NUDT14: variants seen among roughly 807,000 people sequenced by gnomAD.
NUDT14 encodes uridine diphosphate glucose pyrophosphatase NUDT14.
NUDT14 carries 22 observed loss-of-function variants against 17.5 expected under a neutral mutation model. The observed-to-expected ratio is 1.26, with a 90% CI of 0.90 to 1.80. The LOEUF is 1.80. Ranked by LOEUF, NUDT14 falls within the 40% of genes most tolerant of loss-of-function variation. The pLI, the probability that NUDT14 is intolerant of heterozygous loss-of-function variation, is 0.00. For missense variants in NUDT14, 296 were observed against 295.6 expected (o/e 1.00, Z -0.01); for synonymous variants, 129 against 125.8 (o/e 1.03, Z -0.17).
At chr14:105,177,313 T>C (rs936114301) in intron 2 of NUDT14, 2 of 597,098 alleles carry the variant, frequency 3.3e-6, no homozygotes, top group African/African-American at 3.7e-5. Context: ...TGCTCGCAGC[T>C]GAGGCCGGGT....
intron 1 of NUDT14, among the ~76,000 whole-genome samples, chr14:105,179,040 T>C (rs1259478542): frequency 6.6e-6 from 1 of 151,682 alleles, no homozygotes; most frequent in African/African-American, 2.4e-5. Context: ...GGAAGCCCCC[T>C]GCCCACAGCC....
chr14:105,177,264 G>A (rs1329222497), intron 2 of NUDT14: 3 of 643,728 alleles, frequency 4.7e-6, no homozygotes, highest in South Asian at 3.4e-5. Flanking sequence ...GGGAGGCGGG[G>A]GGCAGGGAAG....
Position 105,173,017 on chromosome 14 carries a change from A to G in NUDT14, c.*4T>C. 1.3e-6 allele frequency: 2 copies of G among 1,508,696 alleles called. No individual in the cohort carries two copies. Among genetic ancestry groups the G allele is most frequent in the Non-Finnish European group, 1.8e-6 (2 of 1,129,506 alleles). The allele number at this position is 1,508,696 out of a possible 1,614,324, so 93.5% of individuals were successfully genotyped here. ...GACTGGCCTCTGTCTAGAACCCTGG[A>G]GTCTCACTGGAGATCCAGGTTGGGG... On this transcript the variant is annotated 3_prime_UTR_variant, in exon 5 of 5. Coordinates refer to ENST00000392568, the MANE Select transcript of NUDT14 (RefSeq NM_177533.5). This position sits in a 1 kb window ranked among gnomAD's most constrained non-coding sequence, Gnocchi z 4.7.
At chr14:105,175,612 C>T in intron 4 of NUDT14, 1 of 551,586 alleles carries the variant, frequency 1.8e-6, no homozygotes, top group Non-Finnish European at 2.3e-6. Flanking sequence ...TGTGGTCAGG[C>T]TGGTCTCGAA....
At chr14:105,179,100 C>T (rs587689961) in intron 1 of NUDT14, among the ~76,000 whole-genome samples, 2 of 152,150 alleles carry the variant, frequency 1.3e-5, no homozygotes, top group African/African-American at 2.4e-5. Context: ...TGCTTCCCCC[C>T]GAGTAACATC....
chr14:105,176,735 C>G lies in NUDT14; in HGVS notation c.227G>C (p.Gly76Ala). Residue 76 changes from glycine (G) to alanine (A), a missense_variant, in exon 4 of 5, where the codon GGG becomes GCG. Transcript: ENST00000392568. Reference sequence around the variant, plus strand: ...GTCCTGGTCTACAGCTGCTAGGGACCCTGGGAAGCGGCGCTCCACCTCACC... The same window carrying G: ...GTCCTGGTCTACAGCTGCTAGGGACGCTGGGAAGCGGCGCTCCACCTCACC... ...YAGEVERRFPGSLAAVDQDGP... is the reference protein window; with the variant it reads ...YAGEVERRFPASLAAVDQDGP... The G allele has an allele frequency of 6.2e-7, 1 of 1,612,648 alleles. No homozygotes were observed. Among genetic ancestry groups the G allele is most frequent in the Non-Finnish European group, 8.5e-7 (1 of 1,179,954 alleles).
intron 1 of NUDT14, among the ~76,000 whole-genome samples, chr14:105,178,036 C>T (rs1160492066): frequency 6.6e-6 from 1 of 152,114 alleles, no homozygotes; most frequent in Non-Finnish European, 1.5e-5. Context: ...CAAGGGGCTG[C>T]AGAGAGACGT....
chr14:105,173,825 C>G lies in NUDT14; in HGVS notation c.429-564G>C, dbSNP rs770355645. The G allele has an allele frequency of 6.6e-6, 1 of 151,582 alleles. No individual in the cohort carries two copies. The highest frequency in any genetic ancestry group is 1.5e-5 in the Non-Finnish European group (1 of 67,996). 9.4% of individuals were successfully genotyped at this position (151,582 alleles called of 1,614,324 possible). A position where few individuals can be genotyped will look rare whatever the true frequency, so the allele number is the denominator to read the frequency against. ...ACCTGTCAAGGCCAAGCAGAAGACC[C>G]CACCCCTGTCTGCAGCCCCCAACCA... On this transcript the variant is annotated intron_variant, in intron 4 of 4. Coordinates refer to ENST00000392568, the MANE Select transcript of NUDT14 (RefSeq NM_177533.5). The surrounding 1 kb of genome is among the most constrained non-coding windows in gnomAD (Gnocchi z 4.7).
At chr14:105,175,174 G>A (rs774593183) in intron 4 of NUDT14, among the ~76,000 whole-genome samples, 6 of 152,158 alleles carry the variant, frequency 3.9e-5, no homozygotes, top group Non-Finnish European at 5.9e-5. Flanking sequence ...GAGCCTGTGC[G>A]GTCCCTCTGC....
chr14:105,173,325 TACCACCCTCCAA>T lies in NUDT14; in HGVS notation c.429-76_429-65del. ...GGCCCCGCTGGCCCCCTGGCCCTTC[TACCACCCTCCAA>T]CCCACCCTCTCCACTCTGCTCCCTC... On this transcript the variant is annotated intron_variant, in intron 4 of 4. Coordinates refer to ENST00000392568, the MANE Select transcript of NUDT14 (RefSeq NM_177533.5). This position sits in a 1 kb window ranked among gnomAD's most constrained non-coding sequence, Gnocchi z 4.7. 7.0e-7 allele frequency: 1 copy of T among 1,433,138 alleles called. No homozygotes were observed. The highest frequency in any genetic ancestry group is 2.7e-5 in the East Asian group (1 of 37,556). The allele number at this position is 1,433,138 out of a possible 1,614,324, so 88.8% of individuals were successfully genotyped here.
chr14:105,181,110 C>G lies in NUDT14; in HGVS notation c.81+19G>C, dbSNP rs1213229376. The G allele has an allele frequency of 6.3e-6, 6 of 957,404 alleles. No individual in the cohort carries two copies. The Admixed American group carries it at 1.7e-4, about 27-fold the overall frequency. 59.3% of individuals were successfully genotyped at this position (957,404 alleles called of 1,614,324 possible). On this transcript the variant is annotated intron_variant, in intron 1 of 4. Coordinates refer to ENST00000392568, the MANE Select transcript of NUDT14 (RefSeq NM_177533.5). The surrounding 1 kb of genome is among the most constrained non-coding windows in gnomAD (Gnocchi z 5.0). ...GGGCCGCCGGCGGGGGCGCGGGGGA[C>G]GCGGGGGCGCGGGCTCACCTGGCGG...
chr14:105,181,100 G>GGGCGGGGGA lies in NUDT14; in HGVS notation c.81+28_81+29insTCCCCCGCC. On this transcript the variant is annotated intron_variant, in intron 1 of 4. Transcript: ENST00000392568. The surrounding 1 kb of genome is among the most constrained non-coding windows in gnomAD (Gnocchi z 5.0). ...GTCGTGGGCCGGGCCGCCGGCGGGGGCGCGGGGGACGCGGGGGCGCGGGCT... is the reference window on the plus strand; with the variant it reads ...GTCGTGGGCCGGGCCGCCGGCGGGGGGGCGGGGGACGCGGGGGACGCGGGGGCGCGGGCT... 1 of 850,856 alleles carries GGGCGGGGGA rather than the reference G, an allele frequency of 1.2e-6. No homozygotes were observed. The highest frequency in any genetic ancestry group is 1.4e-6 in the Non-Finnish European group (1 of 692,646). The allele number at this position is 850,856 out of a possible 1,614,324, so 52.7% of individuals were successfully genotyped here.
At position 105,173,415 on chromosome 14, in the gene NUDT14, C is replaced by A; in HGVS notation, c.429-154G>T. 1.2e-6 allele frequency: 1 copy of A among 855,210 alleles called. No individual in the cohort carries two copies. The highest frequency in any genetic ancestry group is 3.2e-5 in the South Asian group (1 of 31,264). 53.0% of individuals were successfully genotyped at this position (855,210 alleles called of 1,614,324 possible). A position where few individuals can be genotyped will look rare whatever the true frequency, so the allele number is the denominator to read the frequency against. Reference sequence around the variant, plus strand: ...ATGCCCTCTCCCACCCGGATTCCCACCTGGTGTGCACGCCCGTGGCCCCTC... The same window carrying A: ...ATGCCCTCTCCCACCCGGATTCCCAACTGGTGTGCACGCCCGTGGCCCCTC... On this transcript the variant is annotated intron_variant, in intron 4 of 4. Transcript: ENST00000392568. This position sits in a 1 kb window ranked among gnomAD's most constrained non-coding sequence, Gnocchi z 4.7.
intron 1 of NUDT14, among the ~76,000 whole-genome samples, chr14:105,179,425 A>C (rs2141304591): frequency 6.6e-6 from 1 of 152,296 alleles, no homozygotes; most frequent in South Asian, 2.1e-4. Flanking sequence ...CCGAGCCTAC[A>C]TCCGTGTCCA....
rs755644212 is a variant in NUDT14, at chr14:105,173,091, T to C, written c.599A>G (p.Lys200Arg). The C allele has an allele frequency of 1.3e-6, 2 of 1,580,316 alleles. No homozygotes were observed. Among genetic ancestry groups the C allele is most frequent in the South Asian group, 1.2e-5 (1 of 85,744 alleles). The change falls in exon 5 of 5, where the codon AAG becomes AGG. Residue 200 changes from lysine (K) to arginine (R), a missense_variant. By Grantham distance (26) the Lys-to-Arg change is conservative. Coordinates refer to ENST00000392568, the MANE Select transcript of NUDT14 (RefSeq NM_177533.5). The surrounding 1 kb of genome is among the most constrained non-coding windows in gnomAD (Gnocchi z 4.7). The part of the protein sequence containing the change: ...QAFADDPDIP[K>R]TLGVIFGVSW... ...GACACCAAAGATGACGCCGAGGGTC[T>C]TGGGGATGTCCGGGTCGTCTGCAAA...
At chr14:105,177,058 A>G (rs1055058156) in intron 2 of NUDT14, 31 bp from the exon 3 acceptor site, 1 of 1,605,034 alleles carries the variant, frequency 6.2e-7, no homozygotes, top group Non-Finnish European at 8.5e-7. Context: ...TCAGCACAGA[A>G]GCACTCCACT....
At position 105,176,775 on chromosome 14, in the gene NUDT14, C is replaced by T. The variant is rs370939861; in HGVS notation, c.191-4G>A. ...TCCACCTCACCCGCATACACAGCTG[C>T]GTGGGAAGAAGCCAGACTGTGCTCA... On this transcript the variant is annotated splice_polypyrimidine_tract_variant and splice_region_variant and intron_variant, in intron 3 of 4. Coordinates refer to ENST00000392568, the MANE Select transcript of NUDT14 (RefSeq NM_177533.5). 8.4e-5 allele frequency: 135 copies of T among 1,611,164 alleles called. No individual in the cohort carries two copies. The highest frequency in any genetic ancestry group is 1.0e-4 in the Non-Finnish European group (121 of 1,179,170).
Position 105,181,180 on chromosome 14 carries a change from GC to G in NUDT14, c.29del (p.Gly10AlafsTer28). The G allele has an allele frequency of 1.7e-6, 2 of 1,182,700 alleles. No homozygotes were observed. The highest frequency in any genetic ancestry group is 2.1e-6 in the Non-Finnish European group (2 of 947,950). The allele number at this position is 1,182,700 out of a possible 1,614,324, so 73.3% of individuals were successfully genotyped here. A position where few individuals can be genotyped will look rare whatever the true frequency, so the allele number is the denominator to read the frequency against. Reference protein sequence around the residue: MERIEGASVGRCAASPYLRP... With the variant: MERIEGASVXRCAASPYLRP... ...GCAGGTAGGGTGAGGCGGCGCAGCG[GC>G]CCACGGACGCCCCCTCGATGCGCTC... On this transcript the variant is annotated frameshift_variant, in exon 1 of 5. Coordinates refer to ENST00000392568, the MANE Select transcript of NUDT14 (RefSeq NM_177533.5). LOFTEE classifies it high-confidence loss of function. The surrounding 1 kb of genome is among the most constrained non-coding windows in gnomAD (Gnocchi z 5.0).
At chr14:105,177,562 A>C (rs1351673263) in intron 2 of NUDT14, 130 bp downstream of exon 2, 1 of 820,376 alleles carries the variant, frequency 1.2e-6, no homozygotes, top group Non-Finnish European at 2.0e-6. Flanking sequence ...GGGCAGAGAG[A>C]AGGGACTTTT....
Sources: allele counts gnomAD v4.1 joint callset (sites outside exome capture counted in the v4.1 genomes callset), GRCh38; gene constraint gnomAD v4.1.1; non-coding constraint Gnocchi (gnomAD v3.1); transcripts MANE v1.5; gene names NCBI Gene and HGNC (gene_info 2026-07-23, HGNC 2026-07-21).